UNC5D: variants seen among roughly 807,000 people sequenced by gnomAD.
UNC5D encodes unc-5 netrin receptor D.
A neutral mutation model predicts 105.4 loss-of-function variants in UNC5D; 39 were observed. That is an observed-to-expected ratio of 0.37 (90% confidence interval 0.29 to 0.48). The LOEUF (loss-of-function observed/expected upper bound fraction) is 0.48, where lower values mean the gene tolerates loss of function less well. UNC5D is among the 20% of genes least tolerant of loss of function. The pLI is 0.98. For synonymous variants in UNC5D, 452 were observed against 450.4 expected (o/e 1.00, Z -0.04); for missense variants, 991 against 1,202.4 (o/e 0.82, Z 2.60).
At chr8:35,668,581 T>C (rs1824580261) in intron 4 of UNC5D, among the ~76,000 whole-genome samples, 1 of 152,128 alleles carries the variant, frequency 6.6e-6, no homozygotes, top group Admixed American at 6.6e-5. Flanking sequence ...GCACTTATTA[T>C]ATTTTAATAT....
intron 16 of UNC5D, among the ~76,000 whole-genome samples, chr8:35,786,824 C>T (rs1802766747): frequency 6.6e-6 from 1 of 152,070 alleles, no homozygotes; most frequent in African/African-American, 2.4e-5. Flanking sequence ...AGCAGAGGAG[C>T]GAGGTCAGCA....
At chr8:35,250,662 T>A (rs1563250161) in intron 1 of UNC5D, among the ~76,000 whole-genome samples, 2 of 152,044 alleles carry the variant, frequency 1.3e-5, no homozygotes, top group Non-Finnish European at 2.9e-5. Flanking sequence ...GTCTGGCTAA[T>A]TTTTTTCTAT....
chr8:35,668,306 G>A (rs903468001), intron 4 of UNC5D, among the ~76,000 whole-genome samples: 7 of 152,024 alleles, frequency 4.6e-5, no homozygotes, highest in Admixed American at 4.6e-4. Context: ...AGACCAGGCA[G>A]TACATACTGG....
At chr8:35,514,902 G>A (rs1378796897) in intron 1 of UNC5D, among the ~76,000 whole-genome samples, 2 of 152,080 alleles carry the variant, frequency 1.3e-5, no homozygotes, top group Admixed American at 6.5e-5. Flanking sequence ...TCCACCTGTC[G>A]CCCAAATATT....
chr8:35,564,828 A>G (rs1200353103), intron 2 of UNC5D, among the ~76,000 whole-genome samples: 1 of 152,084 alleles, frequency 6.6e-6, no homozygotes, highest in East Asian at 1.9e-4. Flanking sequence ...GCTCCCAATT[A>G]TATGTGAAAA....
chr8:35,413,276 T>C (rs1805297845), intron 1 of UNC5D, among the ~76,000 whole-genome samples: 1 of 20,744 alleles, frequency 4.8e-5, no homozygotes. Flanking sequence ...TGTGTGTGTG[T>C]GTGTGTGTGT....
At chr8:35,416,140 C>T (rs897632852) in intron 1 of UNC5D, among the ~76,000 whole-genome samples, 3 of 151,928 alleles carry the variant, frequency 2.0e-5, no homozygotes, top group African/African-American at 7.3e-5. Context: ...ATCAAAATAT[C>T]TCATGTAGTC....
At chr8:35,558,851 C>T (rs551916297) in intron 2 of UNC5D, among the ~76,000 whole-genome samples, 6 of 152,100 alleles carry the variant, frequency 3.9e-5, no homozygotes, top group East Asian at 1.9e-4. Flanking sequence ...GTCGTGATGG[C>T]GCATTCCTGT....
At chr8:35,651,569 A>G (rs1823404360) in intron 4 of UNC5D, among the ~76,000 whole-genome samples, 1 of 152,192 alleles carries the variant, frequency 6.6e-6, no homozygotes, top group African/African-American at 2.4e-5. Context: ...AAAATTCACA[A>G]AACAGTTTAA....
intron 6 of UNC5D, among the ~76,000 whole-genome samples, chr8:35,686,271 T>G (rs548207006): frequency 6.6e-6 from 1 of 152,276 alleles, no homozygotes; most frequent in Non-Finnish European, 1.5e-5. Context: ...TGACAAATTT[T>G]TAGCTGACCC....
intron 1 of UNC5D, among the ~76,000 whole-genome samples, chr8:35,328,010 C>T (rs7843698): frequency 0.052 from 7,988 of 152,198 alleles, 248 homozygotes; most frequent in African/African-American, 0.086. Context: ...GAAAGGTTTT[C>T]GTGGACATTT....
At chr8:35,631,981 G>A (rs928806653) in intron 4 of UNC5D, among the ~76,000 whole-genome samples, 1 of 152,114 alleles carries the variant, frequency 6.6e-6, no homozygotes, top group African/African-American at 2.4e-5. Context: ...GTTTCTCACT[G>A]GGGCACATGT....
Position 35,759,412 on chromosome 8 carries a change from T to C in UNC5D, c.2256T>C (p.Ile752=). ...AAGGGAATACCTTTAGTCTTCAGAT[T>C]TCTGTCCTTGATATTCCCCCATTCC... ...HFKGNTFSLQ[I]SVLDIPPFLW... is the part of the protein sequence containing the mutation. The change falls in exon 14 of 17, where the codon ATT becomes ATC. Residue 752 remains isoleucine (I), a synonymous_variant. Transcript: ENST00000404895. 1 of 1,614,128 alleles carries C rather than the reference T, an allele frequency of 6.2e-7. No homozygotes were observed. Among genetic ancestry groups the C allele is most frequent in the Non-Finnish European group, 8.5e-7 (1 of 1,179,986 alleles).
chr8:35,287,503 C>T (rs1202002949), intron 1 of UNC5D, among the ~76,000 whole-genome samples: 1 of 151,974 alleles, frequency 6.6e-6, no homozygotes, highest in Non-Finnish European at 1.5e-5. Context: ...CAATAGAAAG[C>T]TTCAAAGAAG....
chr8:35,312,909 A>G (rs1343824074), intron 1 of UNC5D, among the ~76,000 whole-genome samples: 1 of 152,204 alleles, frequency 6.6e-6, no homozygotes, highest in Non-Finnish European at 1.5e-5. Context: ...GTCCTTGCCA[A>G]CTTCCTCCAC....
intron 16 of UNC5D, among the ~76,000 whole-genome samples, chr8:35,779,781 C>T (rs1004950896): frequency 6.6e-6 from 1 of 152,078 alleles, no homozygotes; most frequent in African/African-American, 2.4e-5. Flanking sequence ...ACCCTAAAAA[C>T]CTGCCTCTTA....
intron 1 of UNC5D, among the ~76,000 whole-genome samples, chr8:35,276,680 C>T (rs1422591004): frequency 3.3e-5 from 5 of 152,172 alleles, no homozygotes; most frequent in Admixed American, 3.3e-4. Context: ...GGAATTTTTG[C>T]ATGATATAGT....
chr8:35,251,582 G>A (rs546870963), intron 1 of UNC5D, among the ~76,000 whole-genome samples: 2 of 152,206 alleles, frequency 1.3e-5, no homozygotes, highest in East Asian at 1.9e-4. Context: ...AAGAATTCAG[G>A]TATTAATAAA....
intron 1 of UNC5D, among the ~76,000 whole-genome samples, chr8:35,518,351 A>G (rs1020056199): frequency 2.0e-5 from 3 of 152,224 alleles, no homozygotes; most frequent in Admixed American, 6.5e-5. Flanking sequence ...ATCTTAGCAT[A>G]CTTCTATGTA....
Sources: gnomAD v4.1 joint callset for allele counts (sites outside exome capture counted in the v4.1 genomes callset) on GRCh38, gnomAD v4.1.1 for gene constraint, MANE v1.5 for transcripts, NCBI Gene and HGNC (gene_info 2026-07-23, HGNC 2026-07-21) for gene names.